CACNA2D3: variants seen among roughly 807,000 people sequenced by gnomAD.
CACNA2D3 encodes the protein calcium voltage-gated channel auxiliary subunit alpha2delta 3.
CACNA2D3 carries 60 observed loss-of-function variants against 160.6 expected under a neutral mutation model. That is an observed-to-expected ratio of 0.37 (90% CI 0.30 to 0.46). The LOEUF is 0.46. Ranked by LOEUF, CACNA2D3 falls within the 20% of genes least tolerant of loss-of-function variation. CACNA2D3 has a pLI of 1.00. For synonymous variants in CACNA2D3, 558 were observed against 492.9 expected, an observed-to-expected ratio of 1.13 and a Z score of -1.75; for missense variants, 1,205 against 1,365.0, an observed-to-expected ratio of 0.88 and a Z score of 1.85.
intron 35 of CACNA2D3, among the ~76,000 whole-genome samples, chr3:55,045,360 T>C (rs2107197019): frequency 6.6e-6 from 1 of 152,328 alleles, no homozygotes; most frequent in African/African-American, 2.4e-5. Flanking sequence ...TATAGTGGTC[T>C]TTTTATAATG....
chr3:54,635,218 TAAG>T lies in CACNA2D3; in HGVS notation c.1054-6906_1054-6904del, dbSNP rs572038770. Among the ~76,000 whole-genome samples, 26 of 151,882 alleles carry T rather than the reference TAAG, an allele frequency of 1.7e-4. 1 individual carries two copies. In the South Asian group the frequency reaches 3.7e-3, roughly 22 times the overall value. ...GTATGAACTGAAAAACTAAATGGAA[TAAG>T]AAGGAGAAAAACAGGTATAAAAGGT... On this transcript the variant is annotated intron_variant, in intron 10 of 37. Coordinates refer to ENST00000474759, the MANE Select transcript of CACNA2D3 (RefSeq NM_018398.3).
intron 3 of CACNA2D3, among the ~76,000 whole-genome samples, chr3:54,343,080 C>T (rs1698390597): frequency 6.6e-6 from 1 of 152,208 alleles, no homozygotes; most frequent in South Asian, 2.1e-4. Context: ...CAATAGTGAG[C>T]AGTTGAAACA....
At chr3:54,876,706 C>T (rs1699668696) in intron 18 of CACNA2D3, among the ~76,000 whole-genome samples, 1 of 152,204 alleles carries the variant, frequency 6.6e-6, no homozygotes, top group African/African-American at 2.4e-5. Flanking sequence ...CCTATTTCTC[C>T]ACCTGTAAAA....
At chr3:55,012,910 A>G (rs567582630) in intron 34 of CACNA2D3, among the ~76,000 whole-genome samples, 6 of 152,074 alleles carry the variant, frequency 3.9e-5, no homozygotes, top group Admixed American at 2.6e-4. Context: ...CTGCAATTTC[A>G]CCACCCCCAC....
chr3:54,211,405 C>T (rs912593851), intron 2 of CACNA2D3, among the ~76,000 whole-genome samples: 21 of 152,308 alleles, frequency 1.4e-4, no homozygotes, highest in Middle Eastern at 3.4e-3. Context: ...ATACCCTGCA[C>T]ATACATCATT....
intron 17 of CACNA2D3, among the ~76,000 whole-genome samples, chr3:54,859,869 A>G (rs1258521734): frequency 6.6e-6 from 1 of 152,010 alleles, no homozygotes; most frequent in Non-Finnish European, 1.5e-5. Context: ...TCCAATGACT[A>G]TAATACCAAA....
intron 27 of CACNA2D3, among the ~76,000 whole-genome samples, chr3:54,901,504 T>C (rs984133186): frequency 4.6e-5 from 7 of 152,136 alleles, no homozygotes; most frequent in Non-Finnish European, 7.3e-5. Context: ...ACTTTCCAAA[T>C]GCTATGCCAG....
intron 4 of CACNA2D3, among the ~76,000 whole-genome samples, chr3:54,418,329 G>C (rs973927525): frequency 6.6e-6 from 1 of 152,090 alleles, no homozygotes; most frequent in Non-Finnish European, 1.5e-5. Flanking sequence ...AAATGTTTTT[G>C]TGTGTGTATT....
intron 13 of CACNA2D3, among the ~76,000 whole-genome samples, chr3:54,773,035 C>T (rs1284789517): frequency 6.6e-6 from 1 of 152,154 alleles, no homozygotes; most frequent in Middle Eastern, 3.2e-3. Flanking sequence ...ATTATCAAGC[C>T]CTCTTGCCCC....
intron 35 of CACNA2D3, among the ~76,000 whole-genome samples, chr3:55,022,378 A>G (rs1317993776): frequency 6.6e-6 from 1 of 152,062 alleles, no homozygotes; most frequent in Admixed American, 6.6e-5. Context: ...TTGTTTTATA[A>G]ACAGAATATA....
intron 4 of CACNA2D3, among the ~76,000 whole-genome samples, chr3:54,387,657 A>AGT (rs1699211110): frequency 6.1e-5 from 9 of 146,636 alleles, no homozygotes; most frequent in South Asian, 2.2e-4. Flanking sequence ...GTCTCAAATA[A>AGT]ATAAGTAAGT....
At chr3:54,693,629 A>G (rs1358877854) in intron 11 of CACNA2D3, among the ~76,000 whole-genome samples, 2 of 152,206 alleles carry the variant, frequency 1.3e-5, no homozygotes, top group African/African-American at 4.8e-5. Context: ...AGGCATTGCT[A>G]TCATAGGAGA....
chr3:54,761,072 C>T (rs1466505216), intron 12 of CACNA2D3, among the ~76,000 whole-genome samples: 2 of 152,122 alleles, frequency 1.3e-5, no homozygotes, highest in African/African-American at 2.4e-5. Context: ...TCCCCCAACT[C>T]CCTCTCTATC....
intron 9 of CACNA2D3, among the ~76,000 whole-genome samples, chr3:54,587,331 TG>T (rs1217411459): frequency 3.9e-5 from 6 of 152,064 alleles, no homozygotes; most frequent in African/African-American, 1.2e-4. Flanking sequence ...CCGAGGCAGA[TG>T]GATCACCTGA....
intron 26 of CACNA2D3, 141 bp downstream of exon 26, chr3:54,897,011 C>T: frequency 5.0e-6 from 5 of 995,248 alleles, no homozygotes; most frequent in Non-Finnish European, 7.5e-6. Context: ...TTGGGTCAGC[C>T]CTGAACCAGT....
chr3:54,378,728 A>G (rs1240585905), intron 3 of CACNA2D3, among the ~76,000 whole-genome samples: 1 of 152,192 alleles, frequency 6.6e-6, no homozygotes. Context: ...TCATTTGGAA[A>G]AATTACTTGG....
intron 10 of CACNA2D3, among the ~76,000 whole-genome samples, chr3:54,641,814 T>A (rs915144177): frequency 9.9e-5 from 15 of 152,202 alleles, no homozygotes; most frequent in South Asian, 8.3e-4. Flanking sequence ...ACCAGGTATG[T>A]CTGACCCTTC....
intron 13 of CACNA2D3, among the ~76,000 whole-genome samples, chr3:54,781,465 T>C (rs148307769): frequency 6.6e-6 from 1 of 152,342 alleles, no homozygotes; most frequent in Non-Finnish European, 1.5e-5. Flanking sequence ...GAGTCTACTC[T>C]TTGGCCATCA....
intron 11 of CACNA2D3, among the ~76,000 whole-genome samples, chr3:54,656,697 A>G (rs569859263): frequency 6.6e-6 from 1 of 152,348 alleles, no homozygotes; most frequent in Admixed American, 6.5e-5. Flanking sequence ...ACCTGCACAC[A>G]AGGTGCAATC....
Sources: allele counts gnomAD v4.1 joint callset (sites outside exome capture counted in the v4.1 genomes callset), GRCh38; gene constraint gnomAD v4.1.1; transcripts MANE v1.5; gene names NCBI Gene and HGNC (gene_info 2026-07-23, HGNC 2026-07-21).